Variants in PDLIM5 observed in about 807,000 individuals in gnomAD.
PDLIM5 encodes the protein PDZ and LIM domain 5, also known as PDZ and LIM domain protein 5.
In PDLIM5, 34 loss-of-function variants were observed where a neutral mutation model predicts 64.2. That is an observed-to-expected ratio of 0.53 (90% confidence interval 0.40 to 0.71). The LOEUF is 0.71. Among genes scored for constraint, PDLIM5 ranks in the 30% least tolerant of loss-of-function variants. PDLIM5 has a pLI of 0.00. For missense variants in PDLIM5, 683 were observed against 733.6 expected (o/e 0.93, Z 0.80); for synonymous variants, 253 against 269.1 (o/e 0.94, Z 0.59).
intron 5 of PDLIM5, among the ~76,000 whole-genome samples, chr4:94,580,187 C>T (rs1459964038): frequency 7.9e-5 from 12 of 152,110 alleles, no homozygotes; most frequent in Admixed American, 6.6e-4. Flanking sequence ...CGATTACTAG[C>T]TTTAAAAACA....
At chr4:94,478,888 GTGTTTT>G (rs747833536) in intron 2 of PDLIM5, among the ~76,000 whole-genome samples, 1 of 108,530 alleles carries the variant, frequency 9.2e-6, no homozygotes, top group Non-Finnish European at 1.7e-5. Flanking sequence ...GGTGTGCTTG[GTGTTTT>G]TTTTTTTTTT....
At chr4:94,503,530 T>A (rs1728117355) in intron 2 of PDLIM5, among the ~76,000 whole-genome samples, 1 of 152,176 alleles carries the variant, frequency 6.6e-6, no homozygotes, top group Non-Finnish European at 1.5e-5. Flanking sequence ...AGAAGAGCAG[T>A]AATATTGTCC....
Position 94,575,720 on chromosome 4 carries a change from T to C in PDLIM5, c.396T>C (p.Phe132=). The change falls in exon 5 of 13, where the codon TTT becomes TTC. Residue 132 remains phenylalanine, a synonymous_variant. Coordinates refer to ENST00000317968, the MANE Select transcript of PDLIM5 (RefSeq NM_006457.5). Reference sequence around the variant, plus strand: ...CCTACAATAAGGCACCACGGCCTTTTGGTTCTGTGTCTTCACCAAAAGTCA... The same window carrying C: ...CCTACAATAAGGCACCACGGCCTTTCGGTTCTGTGTCTTCACCAAAAGTCA... The part of the protein sequence containing the change: ...NMAYNKAPRP[F]GSVSSPKVTS... The C allele has an allele frequency of 6.2e-7, 1 of 1,614,166 alleles. No individual in the cohort carries two copies. Among genetic ancestry groups the C allele is most frequent in the Non-Finnish European group, 8.5e-7 (1 of 1,180,000 alleles).
chr4:94,584,726 C>G (rs1736019409), intron 5 of PDLIM5: 1 of 423,958 alleles, frequency 2.4e-6, no homozygotes, highest in South Asian at 4.1e-5. Flanking sequence ...GTTCCTGGGC[C>G]TAGTGAAGAT....
intron 3 of PDLIM5, among the ~76,000 whole-genome samples, chr4:94,570,928 A>C (rs1734754682): frequency 6.6e-6 from 1 of 152,180 alleles, no homozygotes; most frequent in African/African-American, 2.4e-5. Flanking sequence ...ATAATGAGTA[A>C]TGTGCATAAT....
intron 2 of PDLIM5, among the ~76,000 whole-genome samples, chr4:94,489,345 A>G (rs2126117063): frequency 6.6e-6 from 1 of 152,258 alleles, no homozygotes. Context: ...GTTCTTTGGA[A>G]TGCATATACA....
chr4:94,455,438 G>T (rs748236577), intron 2 of PDLIM5, 54 bp downstream of exon 2: 1 of 1,101,030 alleles, frequency 9.1e-7, no homozygotes, highest in African/African-American at 1.5e-5. Context: ...CTTAGTCCTC[G>T]GGCTGAGTTG....
intron 2 of PDLIM5, among the ~76,000 whole-genome samples, chr4:94,501,413 T>C (rs2110082877): frequency 6.6e-6 from 1 of 152,274 alleles, no homozygotes; most frequent in South Asian, 2.1e-4. Context: ...GCATAAAAAA[T>C]GGTCTTTGCT....
chr4:94,527,058 T>C (rs1279797829), intron 3 of PDLIM5, among the ~76,000 whole-genome samples: 3 of 126,618 alleles, frequency 2.4e-5, no homozygotes, highest in Admixed American at 2.3e-4. Context: ...TTTTTTTTTT[T>C]TTTTTTTTTT....
intron 5 of PDLIM5, among the ~76,000 whole-genome samples, chr4:94,578,616 CT>C (rs1247959989): frequency 1.3e-5 from 2 of 152,216 alleles, no homozygotes; most frequent in Non-Finnish European, 1.5e-5. Context: ...AAATTACACA[CT>C]TTACTAGTCA....
At chr4:94,607,103 A>G (rs1045323236) in intron 7 of PDLIM5, among the ~76,000 whole-genome samples, 2 of 152,152 alleles carry the variant, frequency 1.3e-5, no homozygotes, top group Admixed American at 6.5e-5. Context: ...TTTTAGTTCT[A>G]TCATGACATT....
At chr4:94,470,157 G>GT (rs1427214335) in intron 2 of PDLIM5, among the ~76,000 whole-genome samples, 2 of 151,472 alleles carry the variant, frequency 1.3e-5, no homozygotes, top group East Asian at 3.9e-4. Flanking sequence ...TAGTAGAGAG[G>GT]TTTTCACCAT....
rs1375989116 is a variant in PDLIM5, at chr4:94,586,430, T to TA, written c.907dup (p.Thr303AsnfsTer6). ...CAGTGAAAGAATCTGAAGCCGATAA[T>TA]ACAAAGAAGGCAAAGTAAGTTCTCT... On this transcript the variant is annotated frameshift_variant, in exon 7 of 13. Coordinates refer to ENST00000317968, the MANE Select transcript of PDLIM5 (RefSeq NM_006457.5). LOFTEE classifies it high-confidence loss of function. 1 of 1,519,324 alleles carries TA rather than the reference T, an allele frequency of 6.6e-7. No homozygotes were observed. Among genetic ancestry groups the TA allele is most frequent in the Non-Finnish European group, 9.1e-7 (1 of 1,098,282 alleles). 94.1% of individuals were successfully genotyped at this position (1,519,324 alleles called of 1,614,324 possible). A position where few individuals can be genotyped will look rare whatever the true frequency, so the allele number is the denominator to read the frequency against.
At position 94,574,969 on chromosome 4, in the gene PDLIM5, AT is replaced by A. The variant is rs1320968303; in HGVS notation, c.292-643del. On this transcript the variant is annotated intron_variant, in intron 4 of 12. Transcript: ENST00000317968. ...GGAGGTGGATTACAAGAAAGAAAGG[AT>A]TTTGTTTTATTTGCTTTTTTAAAGT... 5.3e-5 allele frequency among the ~76,000 whole-genome samples: 8 copies of A among 150,790 alleles called. No individual in the cohort carries two copies. In the East Asian group the frequency reaches 1.4e-3, roughly 26 times the overall value.
At chr4:94,458,649 A>AT (rs1324803530) in intron 2 of PDLIM5, among the ~76,000 whole-genome samples, 2 of 152,182 alleles carry the variant, frequency 1.3e-5, no homozygotes, top group Non-Finnish European at 2.9e-5. Flanking sequence ...ACATTCCTTT[A>AT]TAACACTGGA....
At chr4:94,531,937 A>G (rs2510782) in intron 3 of PDLIM5, among the ~76,000 whole-genome samples, 91,521 of 150,922 alleles carry the variant, frequency 0.61, 30,190 homozygotes, top group African/African-American at 0.88. Context: ...GAAAGGAAAA[A>G]GGGGGGGAAA....
chr4:94,654,696 G>C, intron 10 of PDLIM5, 56 bp downstream of exon 10: 2 of 1,097,394 alleles, frequency 1.8e-6, no homozygotes, highest in East Asian at 2.4e-5. Context: ...ATAATTTTTT[G>C]ATATGAAAGT....
intron 10 of PDLIM5, among the ~76,000 whole-genome samples, chr4:94,655,450 C>CT (rs961476233): frequency 1.3e-5 from 2 of 152,124 alleles, no homozygotes; most frequent in African/African-American, 4.8e-5. Flanking sequence ...TAATGAAACT[C>CT]TAATTATTGT....
At chr4:94,452,349 C>A (rs1275859506) in intron 1 of PDLIM5, among the ~76,000 whole-genome samples, 1 of 152,146 alleles carries the variant, frequency 6.6e-6, no homozygotes, top group Admixed American at 6.5e-5. Context: ...CTGCCGCTCC[C>A]ACCCACCCGG....
Sources: gnomAD v4.1 joint callset for allele counts (sites outside exome capture counted in the v4.1 genomes callset) on GRCh38, gnomAD v4.1.1 for gene constraint, MANE v1.5 for transcripts, NCBI Gene and HGNC (gene_info 2026-07-23, HGNC 2026-07-21) for gene names.